The following OLFM3 variants were observed in gnomAD, a reference collection of about 807,000 sequenced individuals.
The protein encoded by OLFM3 is noelin-3.
A neutral mutation model predicts 48.6 loss-of-function variants in OLFM3; 20 were observed. That is an observed-to-expected ratio of 0.41 (90% CI 0.29 to 0.60). The LOEUF is 0.60. OLFM3 is among the 20% of genes least tolerant of loss of function. The probability of loss-of-function intolerance (pLI) is 0.28; values close to 1 mark genes in which losing one functional copy is unlikely to be tolerated. For synonymous variants in OLFM3, 222 were observed against 198.1 expected (o/e 1.12, Z -1.01); for missense variants, 437 against 544.3 (o/e 0.80, Z 1.96).
intron 1 of OLFM3, among the ~76,000 whole-genome samples, chr1:101,923,123 A>G (rs780883018): frequency 6.6e-6 from 1 of 152,220 alleles, no homozygotes; most frequent in African/African-American, 2.4e-5. Context: ...TCTGGATGCC[A>G]GGTGGTCTTA....
chr1:101,847,484 G>T (rs1656053162), intron 1 of OLFM3, among the ~76,000 whole-genome samples: 2 of 152,030 alleles, frequency 1.3e-5, no homozygotes, highest in South Asian at 4.1e-4. Flanking sequence ...TGAAAATAAA[G>T]TCTGCAAATA....
At chr1:101,927,702 G>A (rs903264811) in intron 1 of OLFM3, among the ~76,000 whole-genome samples, 11 of 149,618 alleles carry the variant, frequency 7.4e-5, no homozygotes, top group African/African-American at 2.7e-4. Context: ...ATATATATAT[G>A]TATAATTATA....
intron 1 of OLFM3, among the ~76,000 whole-genome samples, chr1:101,854,183 A>G (rs1656330886): frequency 6.6e-6 from 1 of 152,044 alleles, no homozygotes; most frequent in Non-Finnish European, 1.5e-5. Flanking sequence ...AATGGTTTAG[A>G]GAAGATAGAG....
At chr1:101,822,391 A>G (rs1654653028) in intron 4 of OLFM3, among the ~76,000 whole-genome samples, 1 of 152,140 alleles carries the variant, frequency 6.6e-6, no homozygotes, top group Non-Finnish European at 1.5e-5. Context: ...TCCTTGCTTC[A>G]GTAGAGTGCA....
chr1:101,972,683 T>C lies in OLFM3; in HGVS notation c.69+24065A>G, dbSNP rs114149022. 7.4e-3 allele frequency among the ~76,000 whole-genome samples: 1,132 copies of C among 152,324 alleles called. 15 individuals are homozygous for C. The highest frequency in any genetic ancestry group is 0.026 in the African/African-American group (1,084 of 41,580). On this transcript the variant is annotated intron_variant, in intron 1 of 5. Transcript: ENST00000370103. ...AGCAGTTTTTCAGGTGAAGTCTTGA[T>C]ATAAAAGATTCACAACTATAAGAAA...
chr1:101,887,228 G>GA (rs199654575), intron 1 of OLFM3, among the ~76,000 whole-genome samples: 2,101 of 148,434 alleles, frequency 0.014, 50 homozygotes, highest in African/African-American at 0.048. Context: ...TCCATGAATG[G>GA]AAAAAAAAAC....
At chr1:101,973,984 A>C (rs1005473400) in intron 1 of OLFM3, among the ~76,000 whole-genome samples, 1 of 151,706 alleles carries the variant, frequency 6.6e-6, no homozygotes, top group Admixed American at 6.6e-5. Context: ...AGATTATTAC[A>C]GTCTGAGGAC....
chr1:101,896,670 A>ATTTTTTTTTT (rs3079210), intron 1 of OLFM3, among the ~76,000 whole-genome samples: 1 of 105,698 alleles, frequency 9.5e-6, no homozygotes, highest in African/African-American at 3.6e-5. Flanking sequence ...GATTTTTTGT[A>ATTTTTTTTTT]TTTTTTTTTT....
chr1:101,959,744 T>C (rs1660411892), intron 1 of OLFM3, among the ~76,000 whole-genome samples: 1 of 152,276 alleles, frequency 6.6e-6, no homozygotes, highest in South Asian at 2.1e-4. Context: ...CATTAATCTA[T>C]GTAAGTTCCT....
intron 3 of OLFM3, among the ~76,000 whole-genome samples, chr1:101,826,233 C>G (rs1654860158): frequency 6.6e-6 from 1 of 151,666 alleles, no homozygotes; most frequent in Non-Finnish European, 1.5e-5. Context: ...TGAAGCACGC[C>G]TACAGTTTCA....
At chr1:101,807,867 T>A (rs1323484299) in intron 4 of OLFM3, among the ~76,000 whole-genome samples, 1 of 151,938 alleles carries the variant, frequency 6.6e-6, no homozygotes, top group African/African-American at 2.4e-5. Flanking sequence ...ATTAAGCCTA[T>A]TTAGAATATA....
At chr1:101,806,671 T>C (rs542828683) in intron 4 of OLFM3, among the ~76,000 whole-genome samples, 1 of 151,790 alleles carries the variant, frequency 6.6e-6, no homozygotes, top group South Asian at 2.1e-4. Flanking sequence ...CCAAGAAAGA[T>C]AACTTTACAG....
intron 1 of OLFM3, among the ~76,000 whole-genome samples, chr1:101,957,999 A>G (rs1261768144): frequency 6.6e-6 from 1 of 152,068 alleles, no homozygotes; most frequent in Non-Finnish European, 1.5e-5. Flanking sequence ...TTGTGCTATG[A>G]TTTATGTGGC....
chr1:101,970,765 T>C (rs1270195764), intron 1 of OLFM3, among the ~76,000 whole-genome samples: 1 of 152,244 alleles, frequency 6.6e-6, no homozygotes, highest in Non-Finnish European at 1.5e-5. Context: ...CCCGATTTCC[T>C]GCTGGAGTAC....
chr1:101,814,490 G>T (rs1424576267), intron 4 of OLFM3, among the ~76,000 whole-genome samples: 1 of 152,178 alleles, frequency 6.6e-6, no homozygotes, highest in Admixed American at 6.5e-5. Context: ...GGAGCTACTT[G>T]ATATTGGGAG....
intron 1 of OLFM3, among the ~76,000 whole-genome samples, chr1:101,845,211 A>T (rs1180598906): frequency 6.6e-6 from 1 of 151,844 alleles, no homozygotes; most frequent in East Asian, 1.9e-4. Context: ...AAAGGGGGGA[A>T]TCAAAAGTAA....
rs575823122 is a variant in OLFM3 at position 101,930,020 on chromosome 1, G to A, written c.69+66728C>T. Among the ~76,000 whole-genome samples the A allele has an allele frequency of 3.8e-4, 58 of 152,210 alleles. 1 individual carries two copies. Among genetic ancestry groups the A allele is most frequent in the Admixed American group, 3.8e-3 (58 of 15,274 alleles). Reference sequence around the variant, plus strand: ...AAACCACATAAATTATATGATAGATGAAAGAGAATGAAAAGGGACCTTGAA... The same window carrying A: ...AAACCACATAAATTATATGATAGATAAAAGAGAATGAAAAGGGACCTTGAA... On this transcript the variant is annotated intron_variant, in intron 1 of 5. Transcript: ENST00000370103.
Position 101,956,284 on chromosome 1 carries a change from T to C in OLFM3, c.69+40464A>G, listed in dbSNP as rs114770566. On this transcript the variant is annotated intron_variant, in intron 1 of 5. Transcript: ENST00000370103. ...AATAAAAAGCCTCTAATGTGCCACA[T>C]AAAGGCCTTTATAATATGTCCTGAT... is the stretch of plus-strand genomic sequence containing the variant. 8.1e-3 allele frequency among the ~76,000 whole-genome samples: 1,228 copies of C among 151,846 alleles called. 20 individuals carry two copies. Among genetic ancestry groups the C allele is most frequent in the African/African-American group, 0.028 (1,157 of 41,510 alleles).
intron 1 of OLFM3, among the ~76,000 whole-genome samples, chr1:101,964,158 A>G (rs1211196631): frequency 6.6e-6 from 1 of 152,136 alleles, no homozygotes; most frequent in East Asian, 1.9e-4. Context: ...AGCAGATTGT[A>G]GGTGGTGATG....
Sources: allele counts gnomAD v4.1 joint callset (sites outside exome capture counted in the v4.1 genomes callset), GRCh38; gene constraint gnomAD v4.1.1; transcripts MANE v1.5; gene names NCBI Gene and HGNC (gene_info 2026-07-23, HGNC 2026-07-21).